The following MRE11 variants were observed in gnomAD, a reference collection of about 807,000 sequenced individuals.
The protein encoded by MRE11 is double-strand break repair protein MRE11.
Under a neutral mutation model 91.7 loss-of-function variants are expected in MRE11, and 62 were observed. That is an observed-to-expected ratio of 0.68 (90% confidence interval 0.55 to 0.84). MRE11 has a LOEUF of 0.84. Among genes scored for constraint, MRE11 ranks in the 40% least tolerant of loss-of-function variants. The probability of loss-of-function intolerance (pLI) is 0.00; values close to 1 mark genes in which losing one functional copy is unlikely to be tolerated. For missense variants in MRE11, 796 were observed against 852.9 expected, an observed-to-expected ratio of 0.93 and a Z score of 0.83; for synonymous variants, 273 against 271.4, an observed-to-expected ratio of 1.01 and a Z score of -0.06.
intron 8 of MRE11, 101 bp downstream of exon 8, chr11:94,471,473 G>A: frequency 9.7e-7 from 1 of 1,033,646 alleles, no homozygotes; most frequent in Non-Finnish European, 1.5e-6. Flanking sequence ...TGACAATACT[G>A]CCAGTTAGCG....
intron 19 of MRE11, among the ~76,000 whole-genome samples, chr11:94,423,828 G>A (rs1011313476): frequency 6.6e-6 from 1 of 152,228 alleles, no homozygotes; most frequent in Non-Finnish European, 1.5e-5. Flanking sequence ...AGCTGGGGCT[G>A]TCGAGCTAAG....
intron 19 of MRE11, among the ~76,000 whole-genome samples, chr11:94,426,500 G>A (rs1945321861): frequency 6.7e-6 from 1 of 148,980 alleles, no homozygotes; most frequent in African/African-American, 2.5e-5. Context: ...GTACCTGGAG[G>A]AACTAGAAAT....
At chr11:94,487,348 C>CAG (rs1266151581) in intron 3 of MRE11, among the ~76,000 whole-genome samples, 1 of 152,146 alleles carries the variant, frequency 6.6e-6, no homozygotes, top group Non-Finnish European at 1.5e-5. Context: ...GAAAAGAACA[C>CAG]GACTCACTTC....
At chr11:94,430,442 A>G (rs1167840773) in intron 18 of MRE11, among the ~76,000 whole-genome samples, 2 of 152,016 alleles carry the variant, frequency 1.3e-5, no homozygotes, top group African/African-American at 4.8e-5. Context: ...TTTCTATTCA[A>G]ATCTCAGTTA....
chr11:94,493,202 T>C (rs1188596771), intron 1 of MRE11, among the ~76,000 whole-genome samples: 1 of 152,190 alleles, frequency 6.6e-6, no homozygotes, highest in African/African-American at 2.4e-5. Context: ...AAGGGTCACA[T>C]ACGGTTCTGG....
At chr11:94,445,159 G>A (rs1281766023) in intron 16 of MRE11, among the ~76,000 whole-genome samples, 2 of 152,108 alleles carry the variant, frequency 1.3e-5, no homozygotes, top group African/African-American at 4.8e-5. Context: ...GCAGTATGGG[G>A]GAAGCAAGGA....
At chr11:94,459,904 C>T (rs1426338363) in intron 12 of MRE11, among the ~76,000 whole-genome samples, 2 of 152,058 alleles carry the variant, frequency 1.3e-5, no homozygotes, top group African/African-American at 4.8e-5. Context: ...AACTCTGGGA[C>T]CTGTGAATAC....
At chr11:94,434,943 T>G (rs919926071) in intron 18 of MRE11, among the ~76,000 whole-genome samples, 1 of 152,220 alleles carries the variant, frequency 6.6e-6, no homozygotes, top group African/African-American at 2.4e-5. Flanking sequence ...AGTTGATTAC[T>G]TTATTAAGTA....
At chr11:94,483,772 G>C (rs1374392956) in intron 4 of MRE11, 2 of 152,624 alleles carry the variant, frequency 1.3e-5, no homozygotes, top group Non-Finnish European at 2.9e-5. Context: ...GAACCCAGGA[G>C]GTTGAGGCTG....
chr11:94,471,461 A>T, intron 8 of MRE11, 113 bp downstream of exon 8: 1 of 938,580 alleles, frequency 1.1e-6, no homozygotes, highest in Non-Finnish European at 1.6e-6. Flanking sequence ...CTATCATATA[A>T]ATGACAATAC....
rs1389666089 is a variant in MRE11, at chr11:94,445,847, A to C, written c.1830T>G (p.Thr610=). The change falls in exon 16 of 20, where the codon ACT becomes ACG. Residue 610 remains threonine, a synonymous_variant. Transcript: ENST00000323929. ...ETSTRSRNSK[T]AVSASRNMSI... ...ACATATTTCTAGATGCTGACACAGC[A>C]GTCTTTGAGTTCCTGCTACGGGTAG... 1.2e-6 allele frequency: 2 copies of C among 1,613,720 alleles called. No homozygotes were observed. Among genetic ancestry groups the C allele is most frequent in the African/African-American group, 2.7e-5 (2 of 74,938 alleles).
chr11:94,422,710 A>T (rs1035700645), intron 19 of MRE11, among the ~76,000 whole-genome samples: 1 of 152,018 alleles, frequency 6.6e-6, no homozygotes, highest in Non-Finnish European at 1.5e-5. Flanking sequence ...AAGGTTATCA[A>T]TGAAACTATT....
chr11:94,501,265 C>T, the MRE11 span, among the ~76,000 whole-genome samples: 4 of 152,150 alleles, frequency 2.6e-5, no homozygotes, highest in Non-Finnish European at 4.4e-5. Flanking sequence ...TGGAAATGAT[C>T]TAAATCAGTG....
intron 12 of MRE11, 30 bp downstream of exon 12, chr11:94,460,906 T>C (rs941593537): frequency 4.6e-6 from 7 of 1,526,790 alleles, no homozygotes; most frequent in Non-Finnish European, 3.6e-6. Context: ...AAGGTAGCCA[T>C]TATTCAAAAT....
intron 10 of MRE11, among the ~76,000 whole-genome samples, chr11:94,467,425 A>T (rs1946592095): frequency 6.6e-6 from 1 of 152,104 alleles, no homozygotes; most frequent in Non-Finnish European, 1.5e-5. Context: ...AGGGGCTGCA[A>T]TCTTGATGAT....
chr11:94,424,326 C>T (rs1945252375), intron 19 of MRE11, among the ~76,000 whole-genome samples: 1 of 152,124 alleles, frequency 6.6e-6, no homozygotes, highest in South Asian at 2.1e-4. Context: ...GAGCTGTGGC[C>T]CTCTGAAAGC....
intron 7 of MRE11, chr11:94,475,457 C>A: frequency 2.7e-6 from 1 of 371,810 alleles, no homozygotes; most frequent in Non-Finnish European, 5.3e-6. Flanking sequence ...ATTATATAAT[C>A]AGGCCCCAAA....
chr11:94,415,663 A>C lies in MRE11; in HGVS notation c.*4462T>G, dbSNP rs900047339. 2 of 152,236 alleles carry C rather than the reference A, an allele frequency of 1.3e-5. No homozygotes were observed. Among genetic ancestry groups the C allele is most frequent in the African/African-American group, 2.4e-5 (1 of 41,462 alleles). 9.4% of individuals were successfully genotyped at this position (152,236 alleles called of 1,614,324 possible). ...ACACACAACGGGAAGCAGCGCAGTTATCTCTCAAAATAGACAATGATGGTT... is the reference window on the plus strand; with the variant it reads ...ACACACAACGGGAAGCAGCGCAGTTCTCTCTCAAAATAGACAATGATGGTT... On this transcript the variant is annotated 3_prime_UTR_variant, in exon 20 of 20. Transcript: ENST00000323929.
chr11:94,443,000 GA>G (rs1945826990), intron 16 of MRE11, among the ~76,000 whole-genome samples: 2 of 152,176 alleles, frequency 1.3e-5, no homozygotes. Flanking sequence ...TAGCTCTTCT[GA>G]AGTACTAAAT....
Sources: gnomAD v4.1 joint callset for allele counts (sites outside exome capture counted in the v4.1 genomes callset) on GRCh38, gnomAD v4.1.1 for gene constraint, MANE v1.5 for transcripts, NCBI Gene and HGNC (gene_info 2026-07-23, HGNC 2026-07-21) for gene names.